MLEC: variants seen among roughly 807,000 people sequenced by gnomAD.
The protein encoded by MLEC is oligosaccharyltransferase complex subunit (non-catalytic).
A neutral mutation model predicts 28.7 loss-of-function variants in MLEC; 7 were observed. That is an observed-to-expected ratio of 0.24 (90% confidence interval 0.14 to 0.46). The LOEUF (loss-of-function observed/expected upper bound fraction) is 0.46. Among genes scored for constraint, MLEC ranks in the 20% least tolerant of loss-of-function variants. The pLI, the probability that MLEC is intolerant of heterozygous loss-of-function variation, is 0.99. For missense variants in MLEC, 237 were observed against 391.1 expected (o/e 0.61, Z 3.32); for synonymous variants, 142 against 164.4 (o/e 0.86, Z 1.04).
chr12:120,694,870 A>G lies in MLEC; in HGVS notation c.461A>G (p.Asp154Gly). Reference sequence around the variant, plus strand: ...GGCCACGTCGTGGTGAAGGACTTGGATATCTTTGATCGTGTTGGGCATAGC... The same window carrying G: ...GGCCACGTCGTGGTGAAGGACTTGGGTATCTTTGATCGTGTTGGGCATAGC... ...LNGHVVVKDL[D>G]IFDRVGHSTA... The change falls in exon 3 of 5, where the codon GAT becomes GGT. Residue 154 changes from aspartate (D) to glycine (G), a missense_variant. Transcript: ENST00000228506. The surrounding 1 kb of genome is among the most constrained non-coding windows in gnomAD (Gnocchi z 4.5). 1 of 1,614,084 alleles carries G rather than the reference A, an allele frequency of 6.2e-7. No individual in the cohort carries two copies. Among genetic ancestry groups the G allele is most frequent in the Non-Finnish European group, 8.5e-7 (1 of 1,179,962 alleles).
Position 120,696,193 on chromosome 12 carries a change from G to A in MLEC, c.650-123G>A. The stretch of plus-strand genomic sequence containing the variant: ...ACCAGAGGCTATTTCTGCTACTTCT[G>A]GTCTTTTCTCTGGACCCGGGTTCAA... On this transcript the variant is annotated intron_variant, in intron 4 of 4. Coordinates refer to ENST00000228506, the MANE Select transcript of MLEC (RefSeq NM_014730.4). This position sits in a 1 kb window ranked among gnomAD's most constrained non-coding sequence, Gnocchi z 5.4. The A allele has an allele frequency of 8.1e-7, 1 of 1,234,620 alleles. No individual in the cohort carries two copies. Among genetic ancestry groups the A allele is most frequent in the Non-Finnish European group, 1.1e-6 (1 of 879,774 alleles). The allele number at this position is 1,234,620 out of a possible 1,614,324, so 76.5% of individuals were successfully genotyped here. A position where few individuals can be genotyped will look rare whatever the true frequency, so the allele number is the denominator to read the frequency against.
In MLEC at chr12:120,687,163, G is replaced by A; in HGVS notation, c.-134G>A. On this transcript the variant is annotated 5_prime_UTR_variant, in exon 1 of 5. Transcript: ENST00000228506. This position sits in a 1 kb window ranked among gnomAD's most constrained non-coding sequence, Gnocchi z 8.1. Reference sequence around the variant, plus strand: ...AGGCGGTACCCGTGGCTGAGAAGAAGGAGGCCTGAGAGCGACATGTCCCCG... The same window carrying A: ...AGGCGGTACCCGTGGCTGAGAAGAAAGAGGCCTGAGAGCGACATGTCCCCG... 1 of 1,003,158 alleles carries A rather than the reference G, an allele frequency of 1.0e-6. No homozygotes were observed. The highest frequency in any genetic ancestry group is 4.3e-5 in the Admixed American group (1 of 23,182). 62.1% of individuals were successfully genotyped at this position (1,003,158 alleles called of 1,614,324 possible). A position where few individuals can be genotyped will look rare whatever the true frequency, so the allele number is the denominator to read the frequency against.
rs1489747879 is a variant in MLEC, at chr12:120,700,563, A to G, written c.*4018A>G. On this transcript the variant is annotated 3_prime_UTR_variant, in exon 5 of 5. Transcript: ENST00000228506. This position sits in a 1 kb window ranked among gnomAD's most constrained non-coding sequence, Gnocchi z 4.0. ...ATAGTACACGGAAGCAGAACCGGAA[A>G]CACCCAGGAACTGTTCAGAAATCTC... The G allele has an allele frequency of 6.6e-6, 1 of 152,198 alleles. No homozygotes were observed. The highest frequency in any genetic ancestry group is 1.5e-5 in the Non-Finnish European group (1 of 68,044). The allele number at this position is 152,198 out of a possible 1,614,324, so 9.4% of individuals were successfully genotyped here. A position where few individuals can be genotyped will look rare whatever the true frequency, so the allele number is the denominator to read the frequency against.
chr12:120,687,633 GT>G lies in MLEC; in HGVS notation c.235+103del, dbSNP rs750685486. 8 of 899,328 alleles carry G rather than the reference GT, an allele frequency of 8.9e-6. No homozygotes were observed. The highest frequency in any genetic ancestry group is 1.3e-5 in the Non-Finnish European group (8 of 639,918). The allele number at this position is 899,328 out of a possible 1,614,324, so 55.7% of individuals were successfully genotyped here. On this transcript the variant is annotated intron_variant, in intron 1 of 4. Transcript: ENST00000228506. The surrounding 1 kb of genome is among the most constrained non-coding windows in gnomAD (Gnocchi z 8.1). ...GAGCCCCTTTCGACCCTGGGGCCGC[GT>G]CTCTGGAGCGAAGTTTCTCTCTGCA...
chr12:120,692,057 G>A (rs1882057260), intron 1 of MLEC, among the ~76,000 whole-genome samples: 1 of 152,322 alleles, frequency 6.6e-6, no homozygotes, highest in African/African-American at 2.4e-5. Context: ...CTACTTGGGA[G>A]GCTGAGGCAG....
Position 120,694,375 on chromosome 12 carries a change from C to A in MLEC, c.414+106C>A. The A allele has an allele frequency of 1.7e-6, 2 of 1,175,616 alleles. No homozygotes were observed. Among genetic ancestry groups the A allele is most frequent in the Non-Finnish European group, 1.2e-6 (1 of 831,132 alleles). The allele number at this position is 1,175,616 out of a possible 1,614,324, so 72.8% of individuals were successfully genotyped here. On this transcript the variant is annotated intron_variant, in intron 2 of 4. Coordinates refer to ENST00000228506, the MANE Select transcript of MLEC (RefSeq NM_014730.4). The surrounding 1 kb of genome is among the most constrained non-coding windows in gnomAD (Gnocchi z 4.5). The stretch of plus-strand genomic sequence containing the variant: ...TGAGAGTCTCTCCAGAAAGGCAGAA[C>A]AGATGAGCTCTAGAGAAGCATGTTC...
chr12:120,696,610 G>A lies in MLEC; in HGVS notation c.*65G>A. 1 of 1,573,694 alleles carries A rather than the reference G, an allele frequency of 6.4e-7. No individual in the cohort carries two copies. Among genetic ancestry groups the A allele is most frequent in the Non-Finnish European group, 8.6e-7 (1 of 1,162,098 alleles). ...AAAGAAACCAGCCATATTGGTTTTG[G>A]TTTCTGTATTTTTCACAATGATTAA... is the stretch of plus-strand genomic sequence containing the variant. On this transcript the variant is annotated 3_prime_UTR_variant, in exon 5 of 5. Coordinates refer to ENST00000228506, the MANE Select transcript of MLEC (RefSeq NM_014730.4). The surrounding 1 kb of genome is among the most constrained non-coding windows in gnomAD (Gnocchi z 5.4).
intron 3 of MLEC, 38 bp downstream of exon 3, chr12:120,695,038 G>T: frequency 1.2e-6 from 2 of 1,614,072 alleles, no homozygotes; most frequent in South Asian, 2.2e-5. Context: ...AAGAGAGTGG[G>T]TACAGGGGAA....
Position 120,689,166 on chromosome 12 carries a change from T to C in MLEC, c.235+1635T>C, listed in dbSNP as rs10431383. 0.019 allele frequency among the ~76,000 whole-genome samples: 2,852 copies of C among 152,204 alleles called. 237 individuals are homozygous for C. The East Asian group carries it at 0.27, about 15-fold the overall frequency. ...CAGGTTTAGTTCCCAGATACTGCCCTTATTCAGAAATTCTGGTTTTAATTT... is the reference window on the plus strand; with the variant it reads ...CAGGTTTAGTTCCCAGATACTGCCCCTATTCAGAAATTCTGGTTTTAATTT... On this transcript the variant is annotated intron_variant, in intron 1 of 4. Transcript: ENST00000228506.
At chr12:120,692,384 G>A (rs1266695225) in intron 1 of MLEC, among the ~76,000 whole-genome samples, 1 of 152,116 alleles carries the variant, frequency 6.6e-6, no homozygotes, top group Non-Finnish European at 1.5e-5. Flanking sequence ...AGGAGGGGGA[G>A]CATGTTAGCA....
At position 120,687,429 on chromosome 12, in the gene MLEC, C is replaced by T. The variant is rs756169088; in HGVS notation, c.133C>T (p.Pro45Ser). The T allele has an allele frequency of 2.9e-6, 4 of 1,401,430 alleles. No individual in the cohort carries two copies. Among genetic ancestry groups the T allele is most frequent in the African/African-American group, 3.0e-5 (2 of 66,806 alleles). The allele number at this position is 1,401,430 out of a possible 1,614,324, so 86.8% of individuals were successfully genotyped here. A position where few individuals can be genotyped will look rare whatever the true frequency, so the allele number is the denominator to read the frequency against. The change falls in exon 1 of 5, where the codon CCC becomes TCC. Residue 45 changes from proline (P) to serine (S), a missense_variant. Coordinates refer to ENST00000228506, the MANE Select transcript of MLEC (RefSeq NM_014730.4). This position sits in a 1 kb window ranked among gnomAD's most constrained non-coding sequence, Gnocchi z 8.1. ...GGCCGGCGCGGCGGGGGCCGGGCTG[C>T]CCGAGAGCGTCATTTGGGCGGTCAA... ...GVAGAAGAGL[P>S]ESVIWAVNAG...
Position 120,694,179 on chromosome 12 carries a change from C to G in MLEC, c.324C>G (p.Thr108=), listed in dbSNP as rs980978399. 1 of 1,614,048 alleles carries G rather than the reference C, an allele frequency of 6.2e-7. No individual in the cohort carries two copies. Among genetic ancestry groups the G allele is most frequent in the African/African-American group, 1.3e-5 (1 of 74,916 alleles). ...LYQTERYNEE[T]FGYEVPIKEE... is the part of the protein sequence containing the mutation. Reference sequence around the variant, plus strand: ...AAACTGAGCGGTACAATGAGGAGACCTTTGGCTACGAAGTGCCCATCAAAG... The same window carrying G: ...AAACTGAGCGGTACAATGAGGAGACGTTTGGCTACGAAGTGCCCATCAAAG... The change falls in exon 2 of 5, where the codon ACC becomes ACG. Residue 108 remains threonine, a synonymous_variant. Coordinates refer to ENST00000228506, the MANE Select transcript of MLEC (RefSeq NM_014730.4). The surrounding 1 kb of genome is among the most constrained non-coding windows in gnomAD (Gnocchi z 4.5).
rs370995912 is a variant in MLEC, at chr12:120,687,563, A to G, written c.235+32A>G. On this transcript the variant is annotated intron_variant, in intron 1 of 4. Transcript: ENST00000228506. This position sits in a 1 kb window ranked among gnomAD's most constrained non-coding sequence, Gnocchi z 8.1. ...GTCCCCCTGCCGAGCCGCGGGATCCAGGGCCTGCTGTGCTGGGCGCAGCCG... is the reference window on the plus strand; with the variant it reads ...GTCCCCCTGCCGAGCCGCGGGATCCGGGGCCTGCTGTGCTGGGCGCAGCCG... 44 of 1,474,690 alleles carry G rather than the reference A, an allele frequency of 3.0e-5. No homozygotes were observed. In the African/African-American group the frequency reaches 3.8e-4, roughly 13 times the overall value. The allele number at this position is 1,474,690 out of a possible 1,614,324, so 91.4% of individuals were successfully genotyped here.
In MLEC at chr12:120,701,595, C is replaced by T. The variant is rs1252639733; in HGVS notation, c.*5050C>T. ...CCTTGTAGCTTCTACCCTAGTTTCC[C>T]ATCCTCTCTCTGTGGAGGCCAAACC... On this transcript the variant is annotated 3_prime_UTR_variant, in exon 5 of 5. Coordinates refer to ENST00000228506, the MANE Select transcript of MLEC (RefSeq NM_014730.4). This position sits in a 1 kb window ranked among gnomAD's most constrained non-coding sequence, Gnocchi z 4.0. 2 of 152,704 alleles carry T rather than the reference C, an allele frequency of 1.3e-5. No individual in the cohort carries two copies. The highest frequency in any genetic ancestry group is 4.8e-5 in the African/African-American group (2 of 41,440). The allele number at this position is 152,704 out of a possible 1,614,324, so 9.5% of individuals were successfully genotyped here. A position where few individuals can be genotyped will look rare whatever the true frequency, so the allele number is the denominator to read the frequency against.
chr12:120,694,007 G>A lies in MLEC; in HGVS notation c.236-84G>A. On this transcript the variant is annotated intron_variant, in intron 1 of 4. Transcript: ENST00000228506. The surrounding 1 kb of genome is among the most constrained non-coding windows in gnomAD (Gnocchi z 4.5). Reference sequence around the variant, plus strand: ...GGAGAGGGTTATTAGCATTGCCCTGGAAATGCCTCTGGCTGTTCTGGGGTC... The same window carrying A: ...GGAGAGGGTTATTAGCATTGCCCTGAAAATGCCTCTGGCTGTTCTGGGGTC... 2.2e-6 allele frequency: 3 copies of A among 1,339,958 alleles called. No homozygotes were observed. The highest frequency in any genetic ancestry group is 3.1e-6 in the Non-Finnish European group (3 of 981,828). 83.0% of individuals were successfully genotyped at this position (1,339,958 alleles called of 1,614,324 possible).
chr12:120,694,763 A>G lies in MLEC; in HGVS notation c.415-61A>G. On this transcript the variant is annotated intron_variant, in intron 2 of 4. Coordinates refer to ENST00000228506, the MANE Select transcript of MLEC (RefSeq NM_014730.4). The surrounding 1 kb of genome is among the most constrained non-coding windows in gnomAD (Gnocchi z 4.5). ...AGCCCAAACACGTGCATGATGTCCA[A>G]CTGCTTGAAAGGATGTAAAGCTGAT... The G allele has an allele frequency of 6.7e-7, 1 of 1,483,948 alleles. No homozygotes were observed. The highest frequency in any genetic ancestry group is 1.4e-5 in the African/African-American group (1 of 71,576). 91.9% of individuals were successfully genotyped at this position (1,483,948 alleles called of 1,614,324 possible).
chr12:120,693,459 G>T (rs1057290759), intron 1 of MLEC, among the ~76,000 whole-genome samples: 2 of 152,196 alleles, frequency 1.3e-5, no homozygotes, highest in Non-Finnish European at 2.9e-5. Context: ...TCTGTGGGAA[G>T]GAAGGAAATT....
In MLEC at chr12:120,696,188, C is replaced by T; in HGVS notation, c.650-128C>T. On this transcript the variant is annotated intron_variant, in intron 4 of 4. Coordinates refer to ENST00000228506, the MANE Select transcript of MLEC (RefSeq NM_014730.4). The surrounding 1 kb of genome is among the most constrained non-coding windows in gnomAD (Gnocchi z 5.4). ...TGTAGACCAGAGGCTATTTCTGCTA[C>T]TTCTGGTCTTTTCTCTGGACCCGGG... 8.4e-7 allele frequency: 1 copy of T among 1,185,518 alleles called. No individual in the cohort carries two copies. Among genetic ancestry groups the T allele is most frequent in the East Asian group, 2.3e-5 (1 of 42,738 alleles). 73.4% of individuals were successfully genotyped at this position (1,185,518 alleles called of 1,614,324 possible).
intron 1 of MLEC, among the ~76,000 whole-genome samples, chr12:120,692,073 T>A (rs991868404): frequency 3.9e-5 from 6 of 152,122 alleles, no homozygotes; most frequent in African/African-American, 1.4e-4. Context: ...GGCAGGAGAA[T>A]CGCTTGACCC....
Sources: allele counts gnomAD v4.1 joint callset (sites outside exome capture counted in the v4.1 genomes callset), GRCh38; gene constraint gnomAD v4.1.1; non-coding constraint Gnocchi (gnomAD v3.1); transcripts MANE v1.5; gene names NCBI Gene and HGNC (gene_info 2026-07-23, HGNC 2026-07-21).